NALF1: variants seen among roughly 807,000 people sequenced by gnomAD.
The protein encoded by NALF1 is family with sequence similarity 155 member A.
In NALF1, 3 loss-of-function variants were observed where a neutral mutation model predicts 48.4. The observed-to-expected ratio is 0.06, with a 90% CI of 0.03 to 0.16. NALF1 has a LOEUF of 0.16. Ranked by LOEUF, NALF1 falls within the 10% of genes least tolerant of loss-of-function variation. The pLI is 1.00. For synonymous variants in NALF1, 262 were observed against 245.7 expected (o/e 1.07, Z -0.62); for missense variants, 526 against 571.5 (o/e 0.92, Z 0.81).
At chr13:107,504,578 G>T (rs937599411) in intron 1 of NALF1, among the ~76,000 whole-genome samples, 3 of 151,932 alleles carry the variant, frequency 2.0e-5, no homozygotes, top group African/African-American at 7.3e-5. Flanking sequence ...TCCTTTATTC[G>T]TTTCCATGTT....
chr13:107,255,054 C>G (rs1048060124), intron 1 of NALF1, among the ~76,000 whole-genome samples: 5 of 151,950 alleles, frequency 3.3e-5, no homozygotes, highest in Admixed American at 1.3e-4. Flanking sequence ...TTACAAATAC[C>G]CCTTACAATT....
In NALF1 at chr13:107,210,257, T is replaced by C. The variant is rs559547511; in HGVS notation, c.1087+327A>G. 3.9e-5 allele frequency among the ~76,000 whole-genome samples: 6 copies of C among 152,352 alleles called. No individual in the cohort carries two copies. In the East Asian group the frequency reaches 1.2e-3, roughly 29 times the overall value. The stretch of plus-strand genomic sequence containing the variant: ...TAGCACATCTCCTGTTCTTATGGAA[T>C]TCAAAGGCAATGCAGGCTGAATCTA... On this transcript the variant is annotated intron_variant, in intron 2 of 2. Coordinates refer to ENST00000375915, the MANE Select transcript of NALF1 (RefSeq NM_001080396.3).
intron 1 of NALF1, among the ~76,000 whole-genome samples, chr13:107,248,355 T>C (rs1221422550): frequency 6.6e-6 from 1 of 152,048 alleles, no homozygotes; most frequent in African/African-American, 2.4e-5. Flanking sequence ...GGTTAGAACC[T>C]ATCATTCCTG....
chr13:107,315,460 T>G (rs1222889191), intron 1 of NALF1, among the ~76,000 whole-genome samples: 1 of 152,126 alleles, frequency 6.6e-6, no homozygotes, highest in Non-Finnish European at 1.5e-5. Flanking sequence ...TTGGAAAGTC[T>G]TCTATAATCT....
intron 1 of NALF1, among the ~76,000 whole-genome samples, chr13:107,575,952 T>C (rs1878130438): frequency 9.9e-6 from 1 of 100,828 alleles, no homozygotes. Flanking sequence ...TGTATGTGTA[T>C]GTGTGTGTTG....
chr13:107,763,468 A>T (rs2138563439), intron 1 of NALF1, among the ~76,000 whole-genome samples: 1 of 144,930 alleles, frequency 6.9e-6, no homozygotes, highest in Non-Finnish European at 1.5e-5. Context: ...TCATATTAAA[A>T]TTCAAAAAAA....
chr13:107,261,454 A>G (rs1880925524), intron 1 of NALF1, among the ~76,000 whole-genome samples: 1 of 152,164 alleles, frequency 6.6e-6, no homozygotes. Context: ...ATTTTGCTCT[A>G]CAATCTGACT....
chr13:107,594,198 C>A (rs1003544344), intron 1 of NALF1, among the ~76,000 whole-genome samples: 11 of 151,998 alleles, frequency 7.2e-5, no homozygotes, highest in Admixed American at 5.3e-4. Context: ...CCCAAGTCTG[C>A]GTTGTCATCC....
chr13:107,642,368 C>T (rs1257398975), intron 1 of NALF1, among the ~76,000 whole-genome samples: 3 of 152,114 alleles, frequency 2.0e-5, no homozygotes, highest in African/African-American at 4.8e-5. Context: ...ATCCAACAAA[C>T]GTTTAAGTCA....
intron 1 of NALF1, among the ~76,000 whole-genome samples, chr13:107,797,500 C>T (rs868550482): frequency 1.3e-5 from 2 of 152,140 alleles, no homozygotes; most frequent in Admixed American, 1.3e-4. Flanking sequence ...TGAGCCACCG[C>T]GCCCGGCCCA....
intron 1 of NALF1, among the ~76,000 whole-genome samples, chr13:107,490,932 CT>C (rs1480612627): frequency 3.3e-5 from 5 of 152,150 alleles, no homozygotes; most frequent in African/African-American, 9.7e-5. Flanking sequence ...ACCTGTGCCC[CT>C]AACCCAGCTT....
intron 1 of NALF1, among the ~76,000 whole-genome samples, chr13:107,546,793 T>C (rs1356358089): frequency 1.3e-5 from 2 of 152,206 alleles, no homozygotes; most frequent in Non-Finnish European, 2.9e-5. Context: ...TGTGTGTGTA[T>C]ACTGCATTAT....
In NALF1 at chr13:107,340,191, T is replaced by C. The variant is rs1396368073; in HGVS notation, c.916-129436A>G. Among the ~76,000 whole-genome samples, 3 of 131,848 alleles carry C rather than the reference T, an allele frequency of 2.3e-5. No individual in the cohort carries two copies. In the Admixed American group the frequency reaches 2.4e-4, roughly 10 times the overall value. 86.5% of individuals were successfully genotyped at this position (131,848 alleles called of 152,430 possible). On this transcript the variant is annotated intron_variant, in intron 1 of 2. Transcript: ENST00000375915. ...ACTTACATTCCTTTTTTTTTTTTTTTAGACAGTGGTGCAATCTCGGCTCAC... is the reference window on the plus strand; with the variant it reads ...ACTTACATTCCTTTTTTTTTTTTTTCAGACAGTGGTGCAATCTCGGCTCAC...
At chr13:107,848,149 A>T (rs1880219411) in intron 1 of NALF1, among the ~76,000 whole-genome samples, 1 of 152,202 alleles carries the variant, frequency 6.6e-6, no homozygotes, top group African/African-American at 2.4e-5. Context: ...ATTACAACAC[A>T]ACGAAGTTTC....
At chr13:107,402,256 G>A (rs1393832792) in intron 1 of NALF1, among the ~76,000 whole-genome samples, 2 of 151,948 alleles carry the variant, frequency 1.3e-5, no homozygotes, top group Non-Finnish European at 2.9e-5. Flanking sequence ...TCTGAGTGAA[G>A]CTTTCAGCTA....
chr13:107,563,069 C>G (rs569095063), intron 1 of NALF1, among the ~76,000 whole-genome samples: 1 of 152,214 alleles, frequency 6.6e-6, no homozygotes, highest in South Asian at 2.1e-4. Flanking sequence ...TGTTTATTCA[C>G]GTTAGATTAA....
chr13:107,706,985 T>C (rs3928888), intron 1 of NALF1, among the ~76,000 whole-genome samples: 131,899 of 134,832 alleles, frequency 0.98, 64,581 homozygotes, highest in South Asian at 1. Flanking sequence ...TGCAGTGGCG[T>C]GATCTCGGCT....
At chr13:107,675,847 CT>C (rs927326080) in intron 1 of NALF1, among the ~76,000 whole-genome samples, 18 of 152,262 alleles carry the variant, frequency 1.2e-4, no homozygotes, top group African/African-American at 4.3e-4. Context: ...ACATGGGGAT[CT>C]AAAAAATGCA....
intron 1 of NALF1, among the ~76,000 whole-genome samples, chr13:107,443,321 T>C (rs1335129250): frequency 6.6e-6 from 1 of 152,098 alleles, no homozygotes; most frequent in Non-Finnish European, 1.5e-5. Flanking sequence ...GTTCAAGTGA[T>C]TCTCCTGCCT....
Sources: gnomAD v4.1 joint callset for allele counts (sites outside exome capture counted in the v4.1 genomes callset) on GRCh38, gnomAD v4.1.1 for gene constraint, MANE v1.5 for transcripts, NCBI Gene and HGNC (gene_info 2026-07-23, HGNC 2026-07-21) for gene names.